Variants in ULK4 observed in about 807,000 individuals in gnomAD.
ULK4 encodes the protein unc-51 like kinase 4.
ULK4 carries 133 observed loss-of-function variants against 160.6 expected under a neutral mutation model. The observed-to-expected ratio is 0.83, with a 90% CI of 0.72 to 0.96. ULK4 has a LOEUF of 0.96. ULK4 is among the 40% of genes least tolerant of loss of function. ULK4 has a pLI of 0.00. For synonymous variants in ULK4, 534 were observed against 539.8 expected (o/e 0.99, Z 0.15); for missense variants, 1,580 against 1,499.5 (o/e 1.05, Z -0.89).
chr3:41,291,923 C>T (rs546980102), intron 35 of ULK4, among the ~76,000 whole-genome samples: 6 of 151,932 alleles, frequency 3.9e-5, no homozygotes, highest in South Asian at 4.2e-4. Context: ...CTCCGCCTCC[C>T]GGGTTCATGC....
Position 41,681,790 on chromosome 3 carries a change from T to C in ULK4, c.2796A>G (p.Ile932Met). 1.2e-6 allele frequency: 2 copies of C among 1,614,024 alleles called. No homozygotes were observed. Among genetic ancestry groups the C allele is most frequent in the Non-Finnish European group, 1.7e-6 (2 of 1,179,938 alleles). ...GAACCAAGGACACCAAGGGTGGCAG[T>C]ATATAGTCAACAACCTAAAAGAAAG... The part of the protein sequence containing the change: ...KDYRSTVVDY[I>M]LPPLVSLVQS... The change falls in exon 28 of 37, where the codon ATA becomes ATG. Residue 932 changes from isoleucine (I) to methionine (M), a missense_variant. Coordinates refer to ENST00000301831, the MANE Select transcript of ULK4 (RefSeq NM_017886.4).
intron 31 of ULK4, among the ~76,000 whole-genome samples, chr3:41,608,755 G>A (rs916924543): frequency 2.0e-5 from 3 of 152,146 alleles, no homozygotes; most frequent in Non-Finnish European, 4.4e-5. Context: ...CACTTGCCAT[G>A]GCCAGAATTC....
At chr3:41,688,669 G>C (rs1033178981) in intron 27 of ULK4, among the ~76,000 whole-genome samples, 19 of 152,040 alleles carry the variant, frequency 1.2e-4, no homozygotes, top group Admixed American at 9.2e-4. Flanking sequence ...CCTAAACTTC[G>C]AGTTTCAAAT....
intron 21 of ULK4, among the ~76,000 whole-genome samples, chr3:41,774,632 A>G (rs1306834983): frequency 1.3e-5 from 2 of 149,942 alleles, no homozygotes; most frequent in Non-Finnish European, 2.9e-5. Flanking sequence ...GTGGGACTGT[A>G]AACTAGTTCA....
chr3:41,836,947 A>G (rs1304619988), intron 17 of ULK4, among the ~76,000 whole-genome samples: 2 of 152,148 alleles, frequency 1.3e-5, no homozygotes, highest in Non-Finnish European at 2.9e-5. Flanking sequence ...TCTGAGAAGG[A>G]AAAAAATGTA....
chr3:41,459,053 C>T (rs1207324657), intron 33 of ULK4, among the ~76,000 whole-genome samples: 1 of 147,602 alleles, frequency 6.8e-6, no homozygotes, highest in Non-Finnish European at 1.5e-5. Context: ...CGTGCCCAGC[C>T]TTTATTTTTA....
intron 32 of ULK4, among the ~76,000 whole-genome samples, chr3:41,493,786 G>C (rs1202159852): frequency 1.4e-5 from 2 of 148,046 alleles, no homozygotes; most frequent in African/African-American, 5.0e-5. Context: ...TACCATCAGA[G>C]AATACTACAA....
chr3:41,247,044 T>TGCTC (rs1402555655), intron 36 of ULK4, 52 bp from the exon 37 acceptor site: 2 of 1,563,758 alleles, frequency 1.3e-6, no homozygotes, highest in Non-Finnish European at 1.7e-6. Flanking sequence ...TAAGGTAAAG[T>TGCTC]GCTCCCCCCT....
At chr3:41,624,749 G>A (rs558358747) in intron 30 of ULK4, among the ~76,000 whole-genome samples, 23 of 152,142 alleles carry the variant, frequency 1.5e-4, no homozygotes, top group Middle Eastern at 3.4e-3. Context: ...CATCCTTATC[G>A]TCACAAATGA....
chr3:41,259,320 C>G (rs576451402), intron 35 of ULK4, among the ~76,000 whole-genome samples: 1 of 152,134 alleles, frequency 6.6e-6, no homozygotes, highest in Non-Finnish European at 1.5e-5. Flanking sequence ...AAACACAACA[C>G]CCTGCAGTAC....
intron 9 of ULK4, among the ~76,000 whole-genome samples, chr3:41,912,605 A>G (rs772385987): frequency 4.8e-4 from 73 of 152,360 alleles, no homozygotes; most frequent in Non-Finnish European, 7.2e-4. Context: ...TGACTGAAGA[A>G]TAACAACAGA....
At chr3:41,820,055 T>G (rs2125630433) in intron 18 of ULK4, among the ~76,000 whole-genome samples, 1 of 152,176 alleles carries the variant, frequency 6.6e-6, no homozygotes, top group East Asian at 1.9e-4. Context: ...ACCAAATTAG[T>G]GTAATAACCA....
chr3:41,645,862 G>A (rs1467229440), intron 30 of ULK4, among the ~76,000 whole-genome samples: 1 of 152,208 alleles, frequency 6.6e-6, no homozygotes, highest in Non-Finnish European at 1.5e-5. Flanking sequence ...CTTGCTTTAT[G>A]AATCTGGGTG....
At chr3:41,639,519 G>A (rs2034097323) in intron 30 of ULK4, among the ~76,000 whole-genome samples, 1 of 152,174 alleles carries the variant, frequency 6.6e-6, no homozygotes, top group Non-Finnish European at 1.5e-5. Flanking sequence ...CCTGAGGTCA[G>A]GAGTTCAAGA....
chr3:41,693,464 C>A (rs539891105), intron 27 of ULK4, among the ~76,000 whole-genome samples: 9 of 152,256 alleles, frequency 5.9e-5, no homozygotes, highest in African/African-American at 2.2e-4. Context: ...GAATACTAAA[C>A]TTGTCTTAAT....
At chr3:41,748,117 T>C (rs1237844673) in intron 22 of ULK4, among the ~76,000 whole-genome samples, 1 of 151,640 alleles carries the variant, frequency 6.6e-6, no homozygotes, top group Non-Finnish European at 1.5e-5. Context: ...AGCATAATTG[T>C]TAGTTTTACC....
intron 22 of ULK4, among the ~76,000 whole-genome samples, chr3:41,750,978 GAGAGAGAA>G (rs2038605032): frequency 8.0e-6 from 1 of 124,678 alleles, no homozygotes; most frequent in Admixed American, 8.0e-5. Context: ...AAAAAAGAGA[GAGAGAGAA>G]AGAGAGAGAG....
At chr3:41,364,346 A>T (rs1158154018) in intron 35 of ULK4, among the ~76,000 whole-genome samples, 1 of 152,154 alleles carries the variant, frequency 6.6e-6, no homozygotes, top group African/African-American at 2.4e-5. Flanking sequence ...CCCTGAACTG[A>T]TTGATCAGCA....
intron 21 of ULK4, among the ~76,000 whole-genome samples, chr3:41,758,286 A>G (rs544309417): frequency 2.0e-5 from 3 of 152,308 alleles, no homozygotes; most frequent in African/African-American, 7.2e-5. Flanking sequence ...ATAGCAGCCC[A>G]AACATACTAA....
Sources: gnomAD v4.1 joint callset for allele counts (sites outside exome capture counted in the v4.1 genomes callset) on GRCh38, gnomAD v4.1.1 for gene constraint, MANE v1.5 for transcripts, NCBI Gene and HGNC (gene_info 2026-07-23, HGNC 2026-07-21) for gene names.